KDM4C: variants seen among roughly 807,000 people sequenced by gnomAD.
The protein encoded by KDM4C is lysine-specific demethylase 4C.
A neutral mutation model predicts 129.3 loss-of-function variants in KDM4C; 81 were observed. That is an observed-to-expected ratio of 0.63 (90% CI 0.52 to 0.75). KDM4C has a LOEUF of 0.75. Ranked by LOEUF, KDM4C falls within the 30% of genes least tolerant of loss-of-function variation. KDM4C has a pLI of 0.00. For synonymous variants in KDM4C, 573 were observed against 456.1 expected, an observed-to-expected ratio of 1.26 and a Z score of -3.26; for missense variants, 1,457 against 1,304.0, an observed-to-expected ratio of 1.12 and a Z score of -1.81.
intron 17 of KDM4C, among the ~76,000 whole-genome samples, chr9:7,069,724 C>G (rs2132795929): frequency 6.6e-6 from 1 of 152,156 alleles, no homozygotes; most frequent in South Asian, 2.1e-4. Flanking sequence ...ATGTGGCTGT[C>G]ATTTTTTTCA....
chr9:6,747,214 C>G (rs1817911590), intron 1 of KDM4C, among the ~76,000 whole-genome samples: 2 of 139,062 alleles, frequency 1.4e-5, no homozygotes, highest in Admixed American at 7.3e-5. Flanking sequence ...ACCAACCAAC[C>G]AACCAACCAA....
chr9:6,816,864 T>G (rs1832199774), intron 4 of KDM4C, among the ~76,000 whole-genome samples: 1 of 151,440 alleles, frequency 6.6e-6, no homozygotes. Context: ...TTTTTTTGGC[T>G]TAAGTTCCCT....
intron 8 of KDM4C, among the ~76,000 whole-genome samples, chr9:6,972,416 A>G (rs1298377325): frequency 6.6e-6 from 1 of 152,132 alleles, no homozygotes; most frequent in Non-Finnish European, 1.5e-5. Context: ...ATAATTTTTT[A>G]AAGGAGTATT....
intron 8 of KDM4C, among the ~76,000 whole-genome samples, chr9:6,978,168 A>T (rs1384531716): frequency 6.6e-6 from 1 of 152,198 alleles, no homozygotes; most frequent in African/African-American, 2.4e-5. Context: ...ACTGAGGCAC[A>T]GAGAGGTTAA....
intron 8 of KDM4C, among the ~76,000 whole-genome samples, chr9:6,927,363 C>T (rs980477963): frequency 6.6e-6 from 1 of 152,202 alleles, no homozygotes; most frequent in African/African-American, 2.4e-5. Flanking sequence ...CTTCGGGCCT[C>T]AAGTCATCCG....
At position 6,895,698 on chromosome 9, in the gene KDM4C, A is replaced by C. The variant is rs149695641; in HGVS notation, c.921+2466A>C. Among the ~76,000 whole-genome samples, 576 of 152,308 alleles carry C rather than the reference A, an allele frequency of 3.8e-3. 4 individuals are homozygous for C. The highest frequency in any genetic ancestry group is 0.013 in the African/African-American group (548 of 41,558). ...GAGGATTGCTAGAGGCCAGGAATTC[A>C]AGACTAGTCTTAGCAACAGAGTGAG... On this transcript the variant is annotated intron_variant, in intron 8 of 21. Transcript: ENST00000381309.
At chr9:6,859,032 G>C (rs370643026) in intron 5 of KDM4C, among the ~76,000 whole-genome samples, 1 of 152,048 alleles carries the variant, frequency 6.6e-6, no homozygotes, top group Admixed American at 6.6e-5. Context: ...TAAATGTTCC[G>C]TTGTTACTGC....
At chr9:6,952,059 A>T (rs370943397) in intron 8 of KDM4C, among the ~76,000 whole-genome samples, 17 of 152,312 alleles carry the variant, frequency 1.1e-4, no homozygotes, top group African/African-American at 4.1e-4. Flanking sequence ...AAATGGGCTT[A>T]AAAAATACAT....
intron 4 of KDM4C, among the ~76,000 whole-genome samples, chr9:6,825,927 C>T (rs894624071): frequency 4.6e-5 from 7 of 152,172 alleles, no homozygotes; most frequent in African/African-American, 1.7e-4. Context: ...CCTTCCACCT[C>T]AGCCTACTGA....
chr9:7,053,778 G>C (rs1202952937), intron 17 of KDM4C, among the ~76,000 whole-genome samples: 1 of 152,092 alleles, frequency 6.6e-6, no homozygotes. Flanking sequence ...TAAAGTAATT[G>C]CTGCCCCAGC....
At chr9:7,002,699 C>G (rs367814346) in intron 12 of KDM4C, among the ~76,000 whole-genome samples, 18 of 152,184 alleles carry the variant, frequency 1.2e-4, no homozygotes, top group African/African-American at 3.9e-4. Context: ...GTACACATTA[C>G]TAGTAACCAT....
At chr9:7,066,302 T>C (rs949365418) in intron 17 of KDM4C, among the ~76,000 whole-genome samples, 5 of 152,170 alleles carry the variant, frequency 3.3e-5, no homozygotes, top group African/African-American at 1.2e-4. Flanking sequence ...GGTATCCCCC[T>C]CTCCACCCCG....
chr9:6,835,231 C>A, intron 4 of KDM4C: 1 of 909,148 alleles, frequency 1.1e-6, no homozygotes, highest in Non-Finnish European at 1.9e-6. Flanking sequence ...CCCTGAGGCA[C>A]TCTTCCAGCT....
intron 19 of KDM4C, among the ~76,000 whole-genome samples, chr9:7,160,140 C>T (rs879850497): frequency 3.9e-5 from 6 of 152,136 alleles, no homozygotes; most frequent in Non-Finnish European, 8.8e-5. Flanking sequence ...GAAGCTTGTG[C>T]GTGCGTCACA....
At chr9:7,101,760 A>T (rs1458633872) in intron 17 of KDM4C, among the ~76,000 whole-genome samples, 1 of 152,210 alleles carries the variant, frequency 6.6e-6, no homozygotes, top group Admixed American at 6.5e-5. Flanking sequence ...AAGTCACAAC[A>T]CTGTCCTACT....
intron 15 of KDM4C, among the ~76,000 whole-genome samples, chr9:7,037,920 G>C (rs930486939): frequency 6.6e-6 from 1 of 152,022 alleles, no homozygotes; most frequent in Non-Finnish European, 1.5e-5. Flanking sequence ...ATTTTATGCT[G>C]GGTGTTATTG....
At chr9:7,052,441 T>G (rs913796612) in intron 17 of KDM4C, among the ~76,000 whole-genome samples, 2 of 152,232 alleles carry the variant, frequency 1.3e-5, no homozygotes, top group African/African-American at 4.8e-5. Flanking sequence ...AGGCTTATAA[T>G]GACTGTGGCT....
chr9:7,159,621 C>G (rs4378016), intron 19 of KDM4C, among the ~76,000 whole-genome samples: 123,014 of 152,150 alleles, frequency 0.81, 50,152 homozygotes, highest in African/African-American at 0.87. Context: ...GAAATTCTGG[C>G]TTGAAAATTC....
At position 7,174,685 on chromosome 9, in the gene KDM4C, T is replaced by G. The variant is rs1391885515; in HGVS notation, c.3127T>G (p.Phe1043Val). Reference protein sequence around the residue: ...EYVADPVYRTFLKSSFQKKCQ... With the variant: ...EYVADPVYRTVLKSSFQKKCQ... The stretch of plus-strand genomic sequence containing the variant: ...TGTGGCCGACCCTGTATACCGCACT[T>G]TTTTGAAGAGCTCTTTCCAGAAGAA... Residue 1043 changes from phenylalanine (F) to valine (V), a missense_variant, in exon 22 of 22, where the codon TTT becomes GTT. Physicochemically the swap from Phe to Val is conservative, Grantham distance 50. Transcript: ENST00000381309. The G allele has an allele frequency of 1.9e-5, 31 of 1,613,996 alleles. No homozygotes were observed. The highest frequency in any genetic ancestry group is 2.4e-5 in the Non-Finnish European group (28 of 1,180,006).
Sources: gnomAD v4.1 joint callset for allele counts (sites outside exome capture counted in the v4.1 genomes callset) on GRCh38, gnomAD v4.1.1 for gene constraint, MANE v1.5 for transcripts, NCBI Gene and HGNC (gene_info 2026-07-23, HGNC 2026-07-21) for gene names.